TACC2: variants seen among roughly 807,000 people sequenced by gnomAD.
TACC2 encodes the protein transforming acidic coiled-coil-containing protein 2.
In TACC2, 137 loss-of-function variants were observed where a neutral mutation model predicts 227.3. That is an observed-to-expected ratio of 0.60 (90% CI 0.52 to 0.69). TACC2 has a LOEUF of 0.69. Ranked by LOEUF, TACC2 falls within the 30% of genes least tolerant of loss-of-function variation. The probability of loss-of-function intolerance (pLI) is 0.00; values close to 1 mark genes in which losing one functional copy is unlikely to be tolerated. For synonymous variants in TACC2, 1,523 were observed against 1,487.5 expected (o/e 1.02, Z -0.55); for missense variants, 3,470 against 3,694.4 (o/e 0.94, Z 1.57).
At chr10:122,037,053 C>T (rs2461207) in intron 2 of TACC2, among the ~76,000 whole-genome samples, 70,976 of 151,942 alleles carry the variant, frequency 0.47, 17,611 homozygotes, top group African/African-American at 0.63. Context: ...CAGGGGACAG[C>T]TCTCTGTAGA....
At position 122,084,072 on chromosome 10, in the gene TACC2, T is replaced by C. The variant is rs774452059; in HGVS notation, c.1572T>C (p.His524=). The C allele has an allele frequency of 3.1e-6, 5 of 1,613,782 alleles. No homozygotes were observed. In the Admixed American group the frequency reaches 8.3e-5, roughly 27 times the overall value. The stretch of plus-strand genomic sequence containing the variant: ...CTCCTCTTCCCAAGGAGCAAAGCCA[T>C]GAGGTCCAACCAGGAGCACCACCCC... ...PPPPLPKEQS[H]EVQPGAPPPP... The change falls in exon 4 of 23, where the codon CAT becomes CAC. Residue 524 remains histidine, a synonymous_variant. Transcript: ENST00000369005.
Position 122,050,613 on chromosome 10 carries a change from A to C in TACC2, c.146+63A>C. 7.5e-7 allele frequency: 1 copy of C among 1,334,384 alleles called. No individual in the cohort carries two copies. The highest frequency in any genetic ancestry group is 1.1e-6 in the Non-Finnish European group (1 of 936,872). 82.7% of individuals were successfully genotyped at this position (1,334,384 alleles called of 1,614,324 possible). On this transcript the variant is annotated intron_variant, in intron 3 of 22. Transcript: ENST00000369005. This position sits in a 1 kb window ranked among gnomAD's most constrained non-coding sequence, Gnocchi z 4.6. ...GACTGCCCCGCTCATTGCCTGCTCC[A>C]GCATTAGCTTTGCCCCATTTGCTTT...
At chr10:122,193,041 A>G (rs975435329) in intron 7 of TACC2, among the ~76,000 whole-genome samples, 1 of 152,214 alleles carries the variant, frequency 6.6e-6, no homozygotes, top group Non-Finnish European at 1.5e-5. Context: ...CCTTCTCCCC[A>G]TAGACAAAAG....
At chr10:122,010,532 C>A (rs1211173828) in intron 1 of TACC2, among the ~76,000 whole-genome samples, 6 of 152,180 alleles carry the variant, frequency 3.9e-5, no homozygotes, top group Non-Finnish European at 8.8e-5. Context: ...AGAGCCTCAT[C>A]CCCAGAGAGG....
chr10:122,252,849 G>A (rs1032235289), intron 22 of TACC2, among the ~76,000 whole-genome samples: 7 of 152,144 alleles, frequency 4.6e-5, no homozygotes, highest in Admixed American at 6.5e-5. Flanking sequence ...GAGCCCCATC[G>A]TCCAGCTGGC....
intron 7 of TACC2, among the ~76,000 whole-genome samples, chr10:122,165,457 G>T (rs7901266): frequency 6.6e-6 from 1 of 152,138 alleles, no homozygotes; most frequent in Non-Finnish European, 1.5e-5. Context: ...GGTCCCTAAC[G>T]TCCCCGCCCT....
intron 1 of TACC2, among the ~76,000 whole-genome samples, chr10:122,020,955 G>A (rs1466377876): frequency 6.6e-6 from 1 of 152,170 alleles, no homozygotes; most frequent in Non-Finnish European, 1.5e-5. Flanking sequence ...TAATAGGCCG[G>A]GCGCGGTGGC....
At chr10:122,081,623 A>G (rs1011484265) in intron 3 of TACC2, among the ~76,000 whole-genome samples, 3 of 151,872 alleles carry the variant, frequency 2.0e-5, no homozygotes, top group Non-Finnish European at 4.4e-5. Context: ...TAATAACTGG[A>G]TAGTTAGTTA....
At chr10:122,045,501 A>AAATAT (rs1554976805) in intron 2 of TACC2, among the ~76,000 whole-genome samples, 2 of 152,224 alleles carry the variant, frequency 1.3e-5, no homozygotes, top group Non-Finnish European at 2.9e-5. Context: ...GAATGAGTTT[A>AAATAT]AATATGTAAA....
At chr10:122,207,485 T>C (rs899699596) in intron 8 of TACC2, among the ~76,000 whole-genome samples, 1 of 152,140 alleles carries the variant, frequency 6.6e-6, no homozygotes, top group Non-Finnish European at 1.5e-5. Flanking sequence ...GACACAGTGT[T>C]GGTTGTCACA....
intron 7 of TACC2, among the ~76,000 whole-genome samples, chr10:122,165,956 G>A (rs2093139117): frequency 6.6e-6 from 1 of 152,146 alleles, no homozygotes; most frequent in Admixed American, 6.5e-5. Flanking sequence ...ATATATATTC[G>A]GAGAGTGCCT....
At chr10:122,080,087 C>T (rs1238819975) in intron 3 of TACC2, among the ~76,000 whole-genome samples, 1 of 152,152 alleles carries the variant, frequency 6.6e-6, no homozygotes, top group Non-Finnish European at 1.5e-5. Flanking sequence ...AAGTCCTGGT[C>T]AGGGTGCTGG....
intron 5 of TACC2, among the ~76,000 whole-genome samples, chr10:122,117,067 A>G (rs926756612): frequency 2.0e-5 from 3 of 151,980 alleles, no homozygotes; most frequent in Non-Finnish European, 4.4e-5. Flanking sequence ...TTTCATATAT[A>G]TTCAAATTTT....
In TACC2 at chr10:122,047,858, C is replaced by A. The variant is rs532753370; in HGVS notation, c.34-2580C>A. 2.0e-5 allele frequency among the ~76,000 whole-genome samples: 3 copies of A among 152,316 alleles called. No homozygotes were observed. In the South Asian group the frequency reaches 6.2e-4, roughly 32 times the overall value. On this transcript the variant is annotated intron_variant, in intron 2 of 22. Coordinates refer to ENST00000369005, the MANE Select transcript of TACC2 (RefSeq NM_206862.4). ...CTTTCCCCCACATTCTATCCTTCAG[C>A]TAAAATGAAGGAAAATTTTTGCATT...
intron 5 of TACC2, among the ~76,000 whole-genome samples, chr10:122,094,316 T>C (rs193174564): frequency 1.2e-3 from 181 of 152,270 alleles, no homozygotes; most frequent in African/African-American, 4.1e-3. Context: ...TTGTTTTGTC[T>C]CTTAGGATGG....
chr10:122,068,794 G>A (rs2077675637), intron 3 of TACC2, among the ~76,000 whole-genome samples: 1 of 151,666 alleles, frequency 6.6e-6, no homozygotes, highest in South Asian at 2.1e-4. Context: ...CTCCTGAGTA[G>A]CTAGGACTAC....
At chr10:122,223,966 A>G (rs2095572220) in intron 11 of TACC2, among the ~76,000 whole-genome samples, 1 of 152,124 alleles carries the variant, frequency 6.6e-6, no homozygotes, top group Non-Finnish European at 1.5e-5. Context: ...TGTGCAAACC[A>G]TATAGGAGGT....
At chr10:122,174,587 A>G (rs994562477) in intron 7 of TACC2, among the ~76,000 whole-genome samples, 1 of 152,218 alleles carries the variant, frequency 6.6e-6, no homozygotes, top group Non-Finnish European at 1.5e-5. Context: ...TTCGTGAAAC[A>G]CTATGCTCCT....
rs559117952 is a variant in TACC2, at chr10:122,209,028, G to A, written c.5972-1369G>A. On this transcript the variant is annotated intron_variant, in intron 8 of 22. Coordinates refer to ENST00000369005, the MANE Select transcript of TACC2 (RefSeq NM_206862.4). This position sits in a 1 kb window ranked among gnomAD's most constrained non-coding sequence, Gnocchi z 4.5. ...TGGCCGGATCCCCATGGGCAGTAGG[G>A]TGGTGGCACCTTTGAGCATCATTTG... Among the ~76,000 whole-genome samples, 65 of 152,250 alleles carry A rather than the reference G, an allele frequency of 4.3e-4. No homozygotes were observed. Among genetic ancestry groups the A allele is most frequent in the Non-Finnish European group, 6.5e-4 (44 of 68,050 alleles).
Sources: gnomAD v4.1 joint callset for allele counts (sites outside exome capture counted in the v4.1 genomes callset) on GRCh38, gnomAD v4.1.1 for gene constraint, Gnocchi (gnomAD v3.1) non-coding constraint, MANE v1.5 for transcripts, NCBI Gene and HGNC (gene_info 2026-07-23, HGNC 2026-07-21) for gene names.